SRGAP2B: variants seen among roughly 807,000 people sequenced by gnomAD.
SRGAP2B encodes the protein SLIT-ROBO Rho GTPase-activating protein 2B.
In SRGAP2B, 9 loss-of-function variants were observed where a neutral mutation model predicts 22.2. The observed-to-expected ratio is 0.41, with a 90% CI of 0.24 to 0.71. SRGAP2B has a LOEUF of 0.71. Ranked by LOEUF, SRGAP2B falls within the 30% of genes least tolerant of loss-of-function variation. The pLI is 0.35. For missense variants in SRGAP2B, 114 were observed against 235.8 expected, an observed-to-expected ratio of 0.48 and a Z score of 3.38; for synonymous variants, 36 against 87.4, an observed-to-expected ratio of 0.41 and a Z score of 3.28.
At chr1:144,999,979 A>G (rs1413034795) in intron 2 of SRGAP2B, among the ~76,000 whole-genome samples, 1 of 150,536 alleles carries the variant, frequency 6.6e-6, no homozygotes, top group Non-Finnish European at 1.5e-5. Flanking sequence ...CAGATTAAAA[A>G]ATTTAACCCC....
intron 2 of SRGAP2B, among the ~76,000 whole-genome samples, chr1:145,017,422 C>G (rs1443209464): frequency 6.9e-6 from 1 of 145,462 alleles, no homozygotes; most frequent in Non-Finnish European, 1.5e-5. Context: ...ACTGGATGAA[C>G]CTGATTCCCT....
chr1:144,965,399 G>C (rs1228078828), intron 3 of SRGAP2B, among the ~76,000 whole-genome samples: 8 of 139,202 alleles, frequency 5.7e-5, no homozygotes, highest in Non-Finnish European at 7.6e-5. Flanking sequence ...TCACACGGCA[G>C]GGTATTCCAA....
chr1:145,089,208 T>C (rs1448426762), intron 2 of SRGAP2B, among the ~76,000 whole-genome samples: 3 of 150,692 alleles, frequency 2.0e-5, no homozygotes, highest in Non-Finnish European at 3.0e-5. Context: ...AAAAGCATAA[T>C]GTAAATTGGA....
At chr1:145,040,704 T>A (rs1213537872) in intron 2 of SRGAP2B, among the ~76,000 whole-genome samples, 1 of 148,702 alleles carries the variant, frequency 6.7e-6, no homozygotes, top group Non-Finnish European at 1.5e-5. Context: ...CTTACTCCAC[T>A]GGAATTAATC....
intron 2 of SRGAP2B, among the ~76,000 whole-genome samples, chr1:144,997,323 G>A (rs1670765115): frequency 6.6e-6 from 1 of 150,782 alleles, no homozygotes; most frequent in South Asian, 2.1e-4. Flanking sequence ...CCCAGCTACT[G>A]GGGAGGCTGA....
chr1:144,898,517 CCTCT>C (rs1257113513), intron 7 of SRGAP2B, among the ~76,000 whole-genome samples: 1 of 149,168 alleles, frequency 6.7e-6, no homozygotes, highest in Non-Finnish European at 1.5e-5. Flanking sequence ...CATCCATCAT[CCTCT>C]CTATTGCTTA....
chr1:145,041,075 G>GTGTATATA (rs1553627455), intron 2 of SRGAP2B, among the ~76,000 whole-genome samples: 4 of 76,474 alleles, frequency 5.2e-5, no homozygotes, highest in Non-Finnish European at 7.3e-5. Flanking sequence ...TATATATATA[G>GTGTATATA]TATATATATA....
chr1:145,085,169 T>C (rs1653307388), intron 2 of SRGAP2B, among the ~76,000 whole-genome samples: 1 of 151,532 alleles, frequency 6.6e-6, no homozygotes, highest in Non-Finnish European at 1.5e-5. Flanking sequence ...CTCGAACTCC[T>C]GACCTCAGGT....
At chr1:144,912,114 C>A (rs1421336826) in intron 5 of SRGAP2B, among the ~76,000 whole-genome samples, 1 of 145,532 alleles carries the variant, frequency 6.9e-6, no homozygotes, top group Non-Finnish European at 1.5e-5. Flanking sequence ...CCATGCCCAG[C>A]TATTTTTTTT....
chr1:144,983,920 A>G (rs1221536033), intron 3 of SRGAP2B, among the ~76,000 whole-genome samples: 3 of 150,782 alleles, frequency 2.0e-5, no homozygotes, highest in Non-Finnish European at 4.4e-5. Flanking sequence ...ACTACTAGAA[A>G]TTTTAGCTTC....
At chr1:144,971,896 G>A (rs1289564042) in intron 3 of SRGAP2B, among the ~76,000 whole-genome samples, 25 of 150,258 alleles carry the variant, frequency 1.7e-4, no homozygotes, top group African/African-American at 4.0e-4. Flanking sequence ...ACTAGTAACC[G>A]TTTTCTTATT....
At chr1:144,944,687 A>T (rs1453649833) in intron 4 of SRGAP2B, among the ~76,000 whole-genome samples, 13 of 20,994 alleles carry the variant, frequency 6.2e-4, no homozygotes, top group Admixed American at 1.3e-3. Context: ...TGGTTGTTTT[A>T]TTTATTTATT....
At chr1:145,040,583 C>A (rs1223475491) in intron 2 of SRGAP2B, among the ~76,000 whole-genome samples, 5 of 149,958 alleles carry the variant, frequency 3.3e-5, no homozygotes, top group Non-Finnish European at 7.4e-5. Flanking sequence ...GATATACAAA[C>A]CCATGGGTAT....
chr1:145,032,100 CAGA>C lies in SRGAP2B; in HGVS notation c.68-36903_68-36901del, dbSNP rs1306537488. 8.5e-5 allele frequency among the ~76,000 whole-genome samples: 12 copies of C among 140,998 alleles called. No homozygotes were observed. In the East Asian group the frequency reaches 2.1e-3, roughly 24 times the overall value. The allele number at this position is 140,998 out of a possible 152,430, so 92.5% of individuals were successfully genotyped here. ...ATGGAATTATATTGTCCATGATATC[CAGA>C]AGAAGACCTCCAATGAAGAAACCTG... On this transcript the variant is annotated intron_variant, in intron 2 of 9. Coordinates refer to ENST00000612199, the Ensembl canonical transcript of SRGAP2B.
chr1:145,006,194 T>C (rs587594424), intron 2 of SRGAP2B, among the ~76,000 whole-genome samples: 1 of 150,994 alleles, frequency 6.6e-6, no homozygotes, highest in South Asian at 2.1e-4. Context: ...CAACAACAAG[T>C]ACAGAGAAGT....
rs1252373805 is a variant in SRGAP2B at position 145,068,351 on chromosome 1, A to G, written c.67+24484T>C. Among the ~76,000 whole-genome samples the G allele has an allele frequency of 3.6e-5, 5 of 138,778 alleles. No individual in the cohort carries two copies. The East Asian group carries it at 8.4e-4, about 23-fold the overall frequency. The allele number at this position is 138,778 out of a possible 152,430, so 91.0% of individuals were successfully genotyped here. On this transcript the variant is annotated intron_variant, in intron 2 of 9. Transcript: ENST00000612199. ...CATGTGTTGAGTACATGAATGAATT[A>G]GTGATTGAATGAATGAATTTTTTAA...
At chr1:145,008,770 A>G (rs1671793577) in intron 2 of SRGAP2B, among the ~76,000 whole-genome samples, 1 of 121,892 alleles carries the variant, frequency 8.2e-6, no homozygotes, top group Non-Finnish European at 1.7e-5. Context: ...TTGCTGATCT[A>G]AACACCACAA....
At position 144,971,520 on chromosome 1, in the gene SRGAP2B, C is replaced by T. The variant is rs1438463153; in HGVS notation, c.261-15919G>A. ...CCATGGTTCACTGTAGCCTCAAACT[C>T]CTGGGCTCAAGCAATCCTCCCGCCT... On this transcript the variant is annotated intron_variant, in intron 3 of 9. Transcript: ENST00000612199. Among the ~76,000 whole-genome samples, 3 of 150,554 alleles carry T rather than the reference C, an allele frequency of 2.0e-5. 1 individual carries two copies. The highest frequency in any genetic ancestry group is 7.5e-5 in the African/African-American group (3 of 40,140).
At chr1:145,095,003 G>A in intron 1 of SRGAP2B, 4 of 1,540,822 alleles carry the variant, frequency 2.6e-6, no homozygotes, top group Non-Finnish European at 3.5e-6. Flanking sequence ...GTACAGTGAT[G>A]GGCGGAGAGA....
Sources: gnomAD v4.1 joint callset for allele counts (sites outside exome capture counted in the v4.1 genomes callset) on GRCh38, gnomAD v4.1.1 for gene constraint, MANE v1.5 for transcripts, NCBI Gene and HGNC (gene_info 2026-07-23, HGNC 2026-07-21) for gene names.